The following AFG2A variants were observed in gnomAD, a reference collection of about 807,000 sequenced individuals.
The protein encoded by AFG2A is AAA ATPase AFG2A.
At chr4:123,007,861 G>T in the AFG2A span, among the ~76,000 whole-genome samples, 1 of 151,808 alleles carries the variant, frequency 6.6e-6, no homozygotes, top group African/African-American at 2.4e-5. Flanking sequence ...CAGTCAATAA[G>T]TTGGGAGCAA....
chr4:123,175,532 C>T, the AFG2A span, among the ~76,000 whole-genome samples: 2 of 152,182 alleles, frequency 1.3e-5, no homozygotes, highest in Admixed American at 6.5e-5. Context: ...GACATTCATG[C>T]ACTGCTGGTT....
chr4:123,240,984 A>G, the AFG2A span, among the ~76,000 whole-genome samples: 2 of 152,236 alleles, frequency 1.3e-5, no homozygotes, highest in Non-Finnish European at 2.9e-5. Context: ...ACAAACTACC[A>G]TCAGAGAATA....
At chr4:122,997,091 T>C in the AFG2A span, among the ~76,000 whole-genome samples, 3 of 152,300 alleles carry the variant, frequency 2.0e-5, no homozygotes, top group South Asian at 6.2e-4. Flanking sequence ...TACATATCCC[T>C]TTATTCAGTC....
the AFG2A span, among the ~76,000 whole-genome samples, chr4:122,928,153 C>T: frequency 6.6e-6 from 1 of 152,138 alleles, no homozygotes; most frequent in South Asian, 2.1e-4. Flanking sequence ...GAAGTGTTGC[C>T]TCCGGCGATA....
At chr4:123,094,664 G>A in the AFG2A span, among the ~76,000 whole-genome samples, 1 of 151,966 alleles carries the variant, frequency 6.6e-6, no homozygotes, top group Non-Finnish European at 1.5e-5. Context: ...CTAAAGGAAA[G>A]AGTTACACAA....
chr4:122,976,912 G>A, the AFG2A span, among the ~76,000 whole-genome samples: 5 of 151,990 alleles, frequency 3.3e-5, no homozygotes, highest in African/African-American at 4.8e-5. Context: ...ATGTTGTTTT[G>A]TAAATTCTAT....
At chr4:123,299,812 C>A in the AFG2A span, among the ~76,000 whole-genome samples, 1 of 152,172 alleles carries the variant, frequency 6.6e-6, no homozygotes, top group Non-Finnish European at 1.5e-5. Context: ...AATAATCTAT[C>A]CTTTAAAAAT....
chr4:122,994,728 A>T, the AFG2A span, among the ~76,000 whole-genome samples: 1 of 151,314 alleles, frequency 6.6e-6, no homozygotes, highest in South Asian at 2.1e-4. Context: ...AGTGAACTGC[A>T]GCCAGAGCCT....
the AFG2A span, among the ~76,000 whole-genome samples, chr4:123,138,674 C>T: frequency 9.2e-5 from 14 of 151,734 alleles, no homozygotes; most frequent in African/African-American, 2.9e-4. Context: ...ATCATAACAG[C>T]GTACACTTAA....
At chr4:123,042,546 G>A in the AFG2A span, among the ~76,000 whole-genome samples, 59 of 152,216 alleles carry the variant, frequency 3.9e-4, no homozygotes, top group Non-Finnish European at 8.4e-4. Flanking sequence ...AGGTGGTCTC[G>A]TTTTCATCAG....
the AFG2A span, among the ~76,000 whole-genome samples, chr4:123,146,926 G>A: frequency 8.9e-4 from 136 of 152,202 alleles, no homozygotes; most frequent in East Asian, 7.9e-3. Flanking sequence ...TAAGTCTTCC[G>A]TGAGCAAAGA....
the AFG2A span, among the ~76,000 whole-genome samples, chr4:122,973,383 T>C: frequency 1.3e-5 from 2 of 152,184 alleles, no homozygotes; most frequent in Non-Finnish European, 1.5e-5. Context: ...AAGTACTTAA[T>C]ACATTTATAT....
the AFG2A span, among the ~76,000 whole-genome samples, chr4:122,933,270 GA>G: frequency 6.6e-6 from 1 of 152,156 alleles, no homozygotes; most frequent in Non-Finnish European, 1.5e-5. Flanking sequence ...ATATGTTTCT[GA>G]AAAATGCCCA....
the AFG2A span, among the ~76,000 whole-genome samples, chr4:123,110,762 T>C: frequency 6.6e-6 from 1 of 152,178 alleles, no homozygotes; most frequent in Non-Finnish European, 1.5e-5. Context: ...AGTACCTCTG[T>C]TTACATTTTG....
At chr4:123,179,342 T>C in the AFG2A span, among the ~76,000 whole-genome samples, 1 of 119,912 alleles carries the variant, frequency 8.3e-6, no homozygotes, top group African/African-American at 2.7e-5. Flanking sequence ...TACTTACTTA[T>C]ATATGTCTGT....
the AFG2A span, among the ~76,000 whole-genome samples, chr4:122,970,455 T>C: frequency 2.0e-5 from 3 of 151,330 alleles, no homozygotes; most frequent in South Asian, 6.2e-4. Context: ...TGGCTGTATC[T>C]AGAAAAAGTA....
chr4:123,075,185 C>T, the AFG2A span, among the ~76,000 whole-genome samples: 2 of 151,786 alleles, frequency 1.3e-5, no homozygotes, highest in Admixed American at 6.6e-5. Context: ...ACTTTGTGAT[C>T]CGCCCACCTT....
chr4:123,043,083 C>T, the AFG2A span, among the ~76,000 whole-genome samples: 2 of 151,788 alleles, frequency 1.3e-5, no homozygotes, highest in South Asian at 4.2e-4. Context: ...GTGACATATC[C>T]TCTCAGCTTC....
the AFG2A span, among the ~76,000 whole-genome samples, chr4:123,097,221 A>G: frequency 2.0e-5 from 3 of 152,120 alleles, no homozygotes; most frequent in Admixed American, 2.0e-4. Context: ...AAAGCTAAAT[A>G]TACGTATCTT....
Sources: gnomAD v4.1 joint callset for allele counts (sites outside exome capture counted in the v4.1 genomes callset) on GRCh38, gnomAD v4.1.1 for gene constraint, MANE v1.5 for transcripts, NCBI Gene and HGNC (gene_info 2026-07-23, HGNC 2026-07-21) for gene names.